RAB5C: variants seen among roughly 807,000 people sequenced by gnomAD.
The protein encoded by RAB5C is ras-related protein Rab-5C.
A neutral mutation model predicts 25.2 loss-of-function variants in RAB5C; 4 were observed. The observed-to-expected ratio is 0.16, with a 90% confidence interval of 0.08 to 0.36. RAB5C has a LOEUF of 0.36. Among genes scored for constraint, RAB5C ranks in the 10% least tolerant of loss-of-function variants. RAB5C has a pLI of 1.00. For missense variants in RAB5C, 199 were observed against 283.8 expected, an observed-to-expected ratio of 0.70 and a Z score of 2.15; for synonymous variants, 100 against 106.4, an observed-to-expected ratio of 0.94 and a Z score of 0.37.
In RAB5C at chr17:42,125,465, G is replaced by A. The variant is rs1327745550; in HGVS notation, c.*318C>T. ...CCCACTGTCCCCATATACAAGGGTTGGGGGGCAAGAGCATGTGGCTACTCC... is the reference window on the plus strand; with the variant it reads ...CCCACTGTCCCCATATACAAGGGTTAGGGGGCAAGAGCATGTGGCTACTCC... On this transcript the variant is annotated 3_prime_UTR_variant, in exon 6 of 6. Coordinates refer to ENST00000346213, the MANE Select transcript of RAB5C (RefSeq NM_004583.4). The A allele has an allele frequency of 3.4e-6, 1 of 295,038 alleles. No homozygotes were observed. Among genetic ancestry groups the A allele is most frequent in the Non-Finnish European group, 6.5e-6 (1 of 154,634 alleles). 18.3% of individuals were successfully genotyped at this position (295,038 alleles called of 1,614,324 possible). A position where few individuals can be genotyped will look rare whatever the true frequency, so the allele number is the denominator to read the frequency against.
At chr17:42,133,612 G>C (rs1026987012) in intron 1 of RAB5C, among the ~76,000 whole-genome samples, 1 of 152,202 alleles carries the variant, frequency 6.6e-6, no homozygotes, top group Middle Eastern at 3.2e-3. Context: ...AGCACAGCCA[G>C]GGCTAGAGCA....
chr17:42,130,304 A>G (rs781580585), intron 2 of RAB5C, 33 bp downstream of exon 2: 5 of 1,564,642 alleles, frequency 3.2e-6, no homozygotes, highest in Non-Finnish European at 4.4e-6. Context: ...GGCAACCTTC[A>G]GGCCCCTCCC....
At chr17:42,135,173 C>T (rs941826825) in intron 1 of RAB5C, among the ~76,000 whole-genome samples, 3 of 151,514 alleles carry the variant, frequency 2.0e-5, no homozygotes, top group Non-Finnish European at 4.4e-5. Context: ...TTTGTAGCGG[C>T]GGGGTTTTAC....
rs2054450038 is a variant in RAB5C at position 42,128,373 on chromosome 17, G to A, written c.329C>T (p.Ala110Val). The A allele has an allele frequency of 4.3e-6, 7 of 1,613,606 alleles. No individual in the cohort carries two copies. In the East Asian group the frequency reaches 1.6e-4, roughly 36 times the overall value. The change falls in exon 4 of 6, where the codon GCA (alanine) becomes GTA (valine). Residue 110 changes from alanine (A) to valine (V), a missense_variant. Physicochemically the swap from Ala to Val is moderately conservative, Grantham distance 64. This residue lies in a region of RAB5C where 154 missense variants were observed against 199.6 expected (regional missense o/e 0.77). Transcript: ENST00000346213. ...VYDITNTDTF[A>V]RAKNWVKELQ... ...CTCCTTCACCCAGTTCTTGGCCCGTGCAAATGTATCCTGAGGAGACAGGGA... is the reference window on the plus strand; with the variant it reads ...CTCCTTCACCCAGTTCTTGGCCCGTACAAATGTATCCTGAGGAGACAGGGA...
chr17:42,126,274 TG>T (rs1302124347), intron 5 of RAB5C, among the ~76,000 whole-genome samples: 1 of 151,792 alleles, frequency 6.6e-6, no homozygotes, highest in Non-Finnish European at 1.5e-5. Context: ...ACTTCTCGGG[TG>T]AACAACCAAC....
chr17:42,130,253 G>A, intron 2 of RAB5C, 84 bp downstream of exon 2: 2 of 1,518,108 alleles, frequency 1.3e-6, no homozygotes, highest in South Asian at 1.3e-5. Context: ...CCTAATGCAG[G>A]CAGGCAGCTT....
intron 1 of RAB5C, among the ~76,000 whole-genome samples, chr17:42,144,090 C>T (rs558032757): frequency 1.1e-4 from 16 of 152,186 alleles, no homozygotes; most frequent in African/African-American, 2.9e-4. Flanking sequence ...CCGGCCTTAT[C>T]GCTGGATTAT....
At chr17:42,148,097 T>A (rs1208862980) in intron 1 of RAB5C, among the ~76,000 whole-genome samples, 2 of 145,920 alleles carry the variant, frequency 1.4e-5, no homozygotes, top group Non-Finnish European at 3.0e-5. Context: ...AAACTCTGTC[T>A]CAAAAACAAA....
chr17:42,130,680 C>T, intron 1 of RAB5C, 90 bp from the exon 2 acceptor site: 2 of 1,418,674 alleles, frequency 1.4e-6, no homozygotes, highest in South Asian at 2.9e-5. Context: ...CCTCTGGCCT[C>T]ACTGAAGACC....
chr17:42,131,212 C>A (rs2054482364), intron 1 of RAB5C, among the ~76,000 whole-genome samples: 1 of 152,188 alleles, frequency 6.6e-6, no homozygotes, highest in Admixed American at 6.5e-5. Context: ...GACCGACTTT[C>A]AGTCTAGGGC....
At chr17:42,128,411 G>A (rs1457067873) in intron 3 of RAB5C, 28 bp from the exon 4 acceptor site, 4 of 1,601,928 alleles carry the variant, frequency 2.5e-6, no homozygotes, top group Non-Finnish European at 3.4e-6. Flanking sequence ...GAATGTCGAA[G>A]GGACAGAGAA....
At chr17:42,152,348 G>A (rs939471575) in intron 1 of RAB5C, among the ~76,000 whole-genome samples, 15 of 152,144 alleles carry the variant, frequency 9.9e-5, no homozygotes, top group Non-Finnish European at 1.6e-4. Flanking sequence ...TGTCGCACAC[G>A]GAGCCATCGC....
rs571818543 is a variant in RAB5C, at chr17:42,133,131, C to T, written c.-88-2541G>A. On this transcript the variant is annotated intron_variant, in intron 1 of 5. Coordinates refer to ENST00000346213, the MANE Select transcript of RAB5C (RefSeq NM_004583.4). Reference sequence around the variant, plus strand: ...GAGTGCCCTCAACAGTGGGAGGAGCCGCCCAGAGCCAGGCAGGGCGACAGC... The same window carrying T: ...GAGTGCCCTCAACAGTGGGAGGAGCTGCCCAGAGCCAGGCAGGGCGACAGC... Among the ~76,000 whole-genome samples the T allele has an allele frequency of 5.9e-5, 9 of 152,258 alleles. No individual in the cohort carries two copies. The East Asian group carries it at 9.6e-4, about 16-fold the overall frequency.
chr17:42,148,652 C>T (rs1023202213), intron 1 of RAB5C, among the ~76,000 whole-genome samples: 5 of 152,232 alleles, frequency 3.3e-5, no homozygotes, highest in Non-Finnish European at 7.3e-5. Flanking sequence ...ATGTAGGAGA[C>T]AAGCCCTCAG....
chr17:42,126,779 C>G lies in RAB5C; in HGVS notation c.511G>C (p.Val171Leu). 1 of 1,612,846 alleles carries G rather than the reference C, an allele frequency of 6.2e-7. No homozygotes were observed. Among genetic ancestry groups the G allele is most frequent in the Non-Finnish European group, 8.5e-7 (1 of 1,179,068 alleles). Residue 171 changes from valine (V) to leucine (L), a missense_variant, in exon 5 of 6, where the codon GTG becomes CTG. This residue lies in a region of RAB5C where 154 missense variants were observed against 199.6 expected (regional missense o/e 0.77). Transcript: ENST00000346213. ...METSAKTAMN[V>L]NEIFMAIAKK... ...CCTATTGCCATGAAGATTTCGTTCACGTTCATTGCAGTCTTTGCTGATGTC... is the reference window on the plus strand; with the variant it reads ...CCTATTGCCATGAAGATTTCGTTCAGGTTCATTGCAGTCTTTGCTGATGTC...
chr17:42,134,973 T>TTC (rs1185807181), intron 1 of RAB5C, among the ~76,000 whole-genome samples: 9 of 147,292 alleles, frequency 6.1e-5, no homozygotes, highest in Non-Finnish European at 1.2e-4. Flanking sequence ...TTCTTTTTTT[T>TTC]TCTTAAGTTT....
chr17:42,145,393 T>C (rs749809540), intron 1 of RAB5C, among the ~76,000 whole-genome samples: 7 of 152,128 alleles, frequency 4.6e-5, no homozygotes, highest in Non-Finnish European at 1.0e-4. Context: ...ACATCAGTCA[T>C]GGAAAGGCTT....
chr17:42,147,050 C>CAGAAAAAGAAAGAAAGAA (rs1013086332), intron 1 of RAB5C, among the ~76,000 whole-genome samples: 2 of 120,586 alleles, frequency 1.7e-5, no homozygotes, highest in Non-Finnish European at 3.6e-5. Flanking sequence ...GAAAGAAAGA[C>CAGAAAAAGAAAGAAAGAA]AGAAAAAGAA....
chr17:42,142,223 T>C (rs2079607690), intron 1 of RAB5C, among the ~76,000 whole-genome samples: 1 of 150,202 alleles, frequency 6.7e-6, no homozygotes, highest in South Asian at 2.1e-4. Context: ...TTGGTAGAGA[T>C]GGGGTTTCAT....
Sources: gnomAD v4.1 joint callset for allele counts (sites outside exome capture counted in the v4.1 genomes callset) on GRCh38, gnomAD v4.1.1 for gene constraint, gnomAD v4.1.1 regional missense constraint, MANE v1.5 for transcripts, NCBI Gene and HGNC (gene_info 2026-07-23, HGNC 2026-07-21) for gene names.